The following EBF4 variants were observed in gnomAD, a reference collection of about 807,000 sequenced individuals.
EBF4 encodes the protein EBF transcription factor 4, also known as transcription factor COE4.
EBF4 carries 34 observed loss-of-function variants against 67.1 expected under a neutral mutation model. That is an observed-to-expected ratio of 0.51 (90% CI 0.39 to 0.67). The LOEUF is 0.67. Ranked by LOEUF, EBF4 falls within the 30% of genes least tolerant of loss-of-function variation. The pLI is 0.00. For missense variants in EBF4, 837 were observed against 873.3 expected (o/e 0.96, Z 0.52); for synonymous variants, 387 against 377.7 (o/e 1.02, Z -0.29).
intron 13 of EBF4, 29 bp from the exon 14 acceptor site, chr20:2,752,328 C>A (rs1327108731): frequency 3.3e-6 from 4 of 1,198,640 alleles, no homozygotes; most frequent in East Asian, 7.2e-5. Context: ...GCCGGCACCG[C>A]CCCCTGACGG....
intron 6 of EBF4, among the ~76,000 whole-genome samples, chr20:2,737,262 A>AAAG (rs1555788297): frequency 5.0e-5 from 6 of 119,450 alleles, no homozygotes; most frequent in Non-Finnish European, 1.0e-4. Flanking sequence ...AAAAAAAAAA[A>AAAG]AAAGAAAAGA....
chr20:2,723,239 C>T (rs1038143406), intron 6 of EBF4, among the ~76,000 whole-genome samples: 3 of 152,208 alleles, frequency 2.0e-5, no homozygotes, highest in Non-Finnish European at 4.4e-5. Flanking sequence ...TATTTACAGG[C>T]TCCCTCAAAA....
intron 6 of EBF4, among the ~76,000 whole-genome samples, chr20:2,710,023 G>A (rs577686555): frequency 6.3e-4 from 96 of 152,350 alleles, no homozygotes; most frequent in Non-Finnish European, 1.2e-3. Context: ...CCCCTGTGCT[G>A]TCTGACCTGA....
intron 6 of EBF4, among the ~76,000 whole-genome samples, chr20:2,712,184 G>A (rs1029236842): frequency 2.0e-5 from 3 of 152,204 alleles, no homozygotes; most frequent in Non-Finnish European, 4.4e-5. Flanking sequence ...TGTTGAGAAT[G>A]ATAAGACCTG....
chr20:2,702,909 C>A (rs981373744), intron 1 of EBF4, among the ~76,000 whole-genome samples: 1 of 152,152 alleles, frequency 6.6e-6, no homozygotes, highest in Admixed American at 6.5e-5. Context: ...GGCTTCAGAA[C>A]TTTCTAGTGG....
chr20:2,744,074 TA>T (rs1188002874), intron 6 of EBF4, among the ~76,000 whole-genome samples: 146 of 81,076 alleles, frequency 1.8e-3, no homozygotes, highest in African/African-American at 0.012. Flanking sequence ...AGTTTTTATT[TA>T]TTTTTTTTAT....
chr20:2,752,201 T>C (rs2146506743), exon 13 of EBF4: 1 of 1,420,772 alleles, frequency 7.0e-7, no homozygotes, highest in Non-Finnish European at 9.2e-7. Context: ...GTCGTGGGCA[T>C]CAACGCCTTC....
At chr20:2,706,327 G>T (rs1328585946) in intron 4 of EBF4, 63 bp downstream of exon 4, 4 of 1,538,338 alleles carry the variant, frequency 2.6e-6, no homozygotes, top group African/African-American at 1.4e-5. Flanking sequence ...GCCTCCCCCT[G>T]GTCTGAGTGA....
intron 1 of EBF4, among the ~76,000 whole-genome samples, chr20:2,702,814 C>T (rs902216864): frequency 4.6e-5 from 7 of 152,214 alleles, no homozygotes; most frequent in Admixed American, 2.0e-4. Context: ...CCATCCTGGT[C>T]ACTCCCCTGC....
chr20:2,747,859 C>A lies in EBF4; in HGVS notation c.558-690C>A, dbSNP rs2088074698. Among the ~76,000 whole-genome samples, 1 of 152,036 alleles carries A rather than the reference C, an allele frequency of 6.6e-6. No homozygotes were observed. Among genetic ancestry groups the A allele is most frequent in the Admixed American group, 6.6e-5 (1 of 15,262 alleles). ...ACAGGCTCTGTGTCTGCTTAGTATG[C>A]CATATGTGTGGGATGAGTGCAGGCT... On this transcript the variant is annotated intron_variant, in intron 6 of 16. Coordinates refer to ENST00000609451, the Ensembl canonical transcript of EBF4. The surrounding 1 kb of genome is among the most constrained non-coding windows in gnomAD (Gnocchi z 4.6).
In EBF4 at chr20:2,747,807, G is replaced by A. The variant is rs768427311; in HGVS notation, c.558-742G>A. Among the ~76,000 whole-genome samples, 105 of 152,278 alleles carry A rather than the reference G, an allele frequency of 6.9e-4. 2 individuals are homozygous for A. Among genetic ancestry groups the A allele is most frequent in the Non-Finnish European group, 2.1e-4 (14 of 68,028 alleles). ...ATTTCTCTGTGCATATACTGTGTAG[G>A]GTGGGCATACACCGTGCATGATGGG... On this transcript the variant is annotated intron_variant, in intron 6 of 16. Coordinates refer to ENST00000609451, the Ensembl canonical transcript of EBF4. The surrounding 1 kb of genome is among the most constrained non-coding windows in gnomAD (Gnocchi z 4.6).
At chr20:2,719,589 G>A (rs2087653107) in intron 6 of EBF4, among the ~76,000 whole-genome samples, 1 of 151,980 alleles carries the variant, frequency 6.6e-6, no homozygotes, top group South Asian at 2.1e-4. Context: ...ATTTTTTGTA[G>A]AGACGAGGTC....
chr20:2,698,583 A>G (rs544419157), intron 1 of EBF4, among the ~76,000 whole-genome samples: 58 of 152,240 alleles, frequency 3.8e-4, no homozygotes, highest in African/African-American at 1.2e-3. Context: ...TGTAGAGGAA[A>G]GGGACTGGTG....
chr20:2,719,526 G>C (rs1214180277), intron 6 of EBF4, among the ~76,000 whole-genome samples: 4 of 152,084 alleles, frequency 2.6e-5, no homozygotes, highest in Non-Finnish European at 5.9e-5. Flanking sequence ...CCAGGCCCTG[G>C]CCTCCCAAAG....
At chr20:2,715,784 C>T (rs186719275) in intron 6 of EBF4, among the ~76,000 whole-genome samples, 18 of 152,176 alleles carry the variant, frequency 1.2e-4, no homozygotes, top group East Asian at 9.7e-4. Context: ...AGTTGCACTC[C>T]GTCGCCCAGG....
At chr20:2,725,489 T>G (rs1410128026) in intron 6 of EBF4, among the ~76,000 whole-genome samples, 1 of 152,252 alleles carries the variant, frequency 6.6e-6, no homozygotes, top group African/African-American at 2.4e-5. Flanking sequence ...AAATGTTTTG[T>G]AGTTATTTTA....
chr20:2,753,732 C>T (rs756333682), intron 14 of EBF4, among the ~76,000 whole-genome samples: 13 of 152,228 alleles, frequency 8.5e-5, no homozygotes, highest in African/African-American at 2.2e-4. Flanking sequence ...CCTTGCAGGG[C>T]GTGTGTCCTG....
chr20:2,740,516 C>T (rs1231307881), intron 6 of EBF4, among the ~76,000 whole-genome samples: 1 of 152,136 alleles, frequency 6.6e-6, no homozygotes, highest in African/African-American at 2.4e-5. Context: ...GGCTCTCCTT[C>T]CAGCTCTTTG....
Position 2,739,629 on chromosome 20 carries a change from A to G in EBF4, c.558-8920A>G, listed in dbSNP as rs1348639687. On this transcript the variant is annotated intron_variant, in intron 6 of 16. Transcript: ENST00000609451. The surrounding 1 kb of genome is among the most constrained non-coding windows in gnomAD (Gnocchi z 4.5). ...GTGTATGGAATGAATGAGGGGATGA[A>G]TGGCCCAGCCCTCTGTGTCCTCCTC... 1.3e-5 allele frequency among the ~76,000 whole-genome samples: 2 copies of G among 152,190 alleles called. No homozygotes were observed. Among genetic ancestry groups the G allele is most frequent in the Non-Finnish European group, 2.9e-5 (2 of 68,028 alleles).
Sources: allele counts gnomAD v4.1 joint callset (sites outside exome capture counted in the v4.1 genomes callset), GRCh38; gene constraint gnomAD v4.1.1; non-coding constraint Gnocchi (gnomAD v3.1); transcripts MANE v1.5; gene names NCBI Gene and HGNC (gene_info 2026-07-23, HGNC 2026-07-21).